The following NID2 variants were observed in gnomAD, a reference collection of about 807,000 sequenced individuals.
NID2 encodes the protein nidogen-2.
In NID2, 83 loss-of-function variants were observed where a neutral mutation model predicts 145.4. The observed-to-expected ratio is 0.57, with a 90% CI of 0.48 to 0.69. The LOEUF (loss-of-function observed/expected upper bound fraction) is 0.69, where lower values mean the gene tolerates loss of function less well. NID2 is among the 30% of genes least tolerant of loss of function. NID2 has a pLI of 0.00. For missense variants in NID2, 1,807 were observed against 1,765.7 expected, an observed-to-expected ratio of 1.02 and a Z score of -0.42; for synonymous variants, 739 against 701.3, an observed-to-expected ratio of 1.05 and a Z score of -0.85.
At chr14:52,006,115 T>C (rs938146907) in intron 20 of NID2, 3 of 468,774 alleles carry the variant, frequency 6.4e-6, no homozygotes, top group Admixed American at 6.6e-5. Context: ...TGTTCCACAG[T>C]TCCTCATTTG....
chr14:52,060,338 C>A lies in NID2; in HGVS notation c.553G>T (p.Val185Phe). The A allele has an allele frequency of 3.9e-6, 6 of 1,520,904 alleles. No homozygotes were observed. Among genetic ancestry groups the A allele is most frequent in the South Asian group, 1.3e-5 (1 of 78,168 alleles). The allele number at this position is 1,520,904 out of a possible 1,614,324, so 94.2% of individuals were successfully genotyped here. A position where few individuals can be genotyped will look rare whatever the true frequency, so the allele number is the denominator to read the frequency against. ...PSGELNTFQA[V>F]LASDGSDSYA... ...CTATCAGACCCATCAGATGCCAAAA[C>A]TGCCTGGAAAGTGTTCAGCTGTGAG... The change falls in exon 3 of 22, where the codon GTT (valine) becomes TTT (phenylalanine). Residue 185 changes from valine (V) to phenylalanine (F), a missense_variant. Val to Phe is a conservative substitution (Grantham distance 50). Coordinates refer to ENST00000216286, the MANE Select transcript of NID2 (RefSeq NM_007361.4).
intron 3 of NID2, among the ~76,000 whole-genome samples, chr14:52,057,610 G>A (rs1293417965): frequency 2.0e-5 from 3 of 149,386 alleles, no homozygotes; most frequent in Admixed American, 1.4e-4. Flanking sequence ...GCTGAGGCAG[G>A]AGAATTGCTT....
chr14:52,030,562 A>AAAG lies in NID2; in HGVS notation c.2258-873_2258-872insCTT, dbSNP rs1424277907. ...AAAGAAAGAAAGAAAGAAAGAAAGAAAGAAAGGAAGGAAGGGAAAGAAAGA... is the reference window on the plus strand; with the variant it reads ...AAAGAAAGAAAGAAAGAAAGAAAGAAAAGAGAAAGGAAGGAAGGGAAAGAAAGA... On this transcript the variant is annotated intron_variant, in intron 9 of 21. Transcript: ENST00000216286. Among the ~76,000 whole-genome samples, 205 of 65,066 alleles carry AAAG rather than the reference A, an allele frequency of 3.2e-3. 5 individuals carry two copies. The highest frequency in any genetic ancestry group is 9.2e-3 in the African/African-American group (187 of 20,332). 42.7% of individuals were successfully genotyped at this position (65,066 alleles called of 152,430 possible). A position where few individuals can be genotyped will look rare whatever the true frequency, so the allele number is the denominator to read the frequency against.
At chr14:52,057,789 A>T (rs1200822290) in intron 3 of NID2, among the ~76,000 whole-genome samples, 1 of 152,034 alleles carries the variant, frequency 6.6e-6, no homozygotes, top group Admixed American at 6.6e-5. Context: ...CAATGTATAA[A>T]TCTAGGTGAT....
At chr14:52,068,713 A>G in intron 1 of NID2, 54 bp downstream of exon 1, 1 of 1,495,480 alleles carries the variant, frequency 6.7e-7, no homozygotes, top group Admixed American at 1.7e-5. Flanking sequence ...TTTCCGTGAG[A>G]CCGACCCCAG....
chr14:52,008,038 C>G, intron 18 of NID2, 71 bp from the exon 19 acceptor site: 3 of 1,214,784 alleles, frequency 2.5e-6, no homozygotes. Context: ...TAAGCAGCCC[C>G]CAGTGATCTC....
chr14:52,037,345 C>A (rs995340197), intron 9 of NID2, among the ~76,000 whole-genome samples: 5 of 151,794 alleles, frequency 3.3e-5, no homozygotes, highest in African/African-American at 1.2e-4. Context: ...TTACAACGTG[C>A]AGGTTTGTTA....
intron 18 of NID2, chr14:52,010,627 C>T (rs1890976959): frequency 5.2e-6 from 2 of 383,822 alleles, no homozygotes; most frequent in South Asian, 4.8e-5. Context: ...CTACATATCA[C>T]ATCACAGACT....
intron 3 of NID2, among the ~76,000 whole-genome samples, chr14:52,059,449 AC>A (rs1277346950): frequency 1.3e-5 from 2 of 151,966 alleles, no homozygotes; most frequent in African/African-American, 2.4e-5. Context: ...CCCCTCACAC[AC>A]CCCCCAAAAA....
chr14:52,059,738 T>G (rs1022081286), intron 3 of NID2, among the ~76,000 whole-genome samples: 1 of 152,244 alleles, frequency 6.6e-6, no homozygotes, highest in Non-Finnish European at 1.5e-5. Context: ...TTTAACAGTA[T>G]CTGTCCAAAA....
intron 12 of NID2, 100 bp downstream of exon 12, chr14:52,027,101 C>G (rs1891612779): frequency 2.4e-6 from 3 of 1,249,708 alleles, no homozygotes; most frequent in South Asian, 4.3e-5. Flanking sequence ...CTGTTAGAGT[C>G]AAAGGAAGTC....
Position 52,007,951 on chromosome 14 carries a change from CTGTCCAGTACAAG to C in NID2, c.3726_3738del (p.Asn1242LysfsTer15). On this transcript the variant is annotated frameshift_variant, in exon 19 of 22. Coordinates refer to ENST00000216286, the MANE Select transcript of NID2 (RefSeq NM_007361.4). LOFTEE classifies it high-confidence loss of function. ...ATTTTAGGAGCTTCTCTATTCCAGT[CTGTCCAGTACAAG>C]TTGCTGTAAGTTAAAAATCAAGATT... The C allele has an allele frequency of 6.2e-7, 1 of 1,604,128 alleles. No individual in the cohort carries two copies. The highest frequency in any genetic ancestry group is 8.5e-7 in the Non-Finnish European group (1 of 1,177,010).
At chr14:52,030,537 AAAGAAAG>A (rs1464527651) in intron 9 of NID2, among the ~76,000 whole-genome samples, 2 of 55,866 alleles carry the variant, frequency 3.6e-5, no homozygotes, top group African/African-American at 1.2e-4. Context: ...AGAAAGAAAG[AAAGAAAG>A]AAAGAAAGAA....
At chr14:52,005,984 A>C in intron 20 of NID2, 135 bp from the exon 21 acceptor site, 1 of 654,620 alleles carries the variant, frequency 1.5e-6, no homozygotes, top group Non-Finnish European at 2.8e-6. Context: ...TGCTAAAGCC[A>C]TACTGAAGTT....
rs758339983 is a variant in NID2, at chr14:52,038,866, G to A, written c.2138C>T (p.Pro713Leu). The A allele has an allele frequency of 1.9e-6, 3 of 1,614,148 alleles. No homozygotes were observed. The highest frequency in any genetic ancestry group is 2.5e-6 in the Non-Finnish European group (3 of 1,180,016). ...GGTGGTGGGGAAGGACGGGTGTCTG[G>A]GGGCGTGCCTGCACACCTGGTAAGT... ...NITYQVCRHA[P>L]RHPSFPTTQQ... Residue 713 changes from proline to leucine, a missense_variant, in exon 9 of 22, where the codon CCC becomes CTC. Coordinates refer to ENST00000216286, the MANE Select transcript of NID2 (RefSeq NM_007361.4).
intron 11 of NID2, 109 bp from the exon 12 acceptor site, chr14:52,027,453 G>T: frequency 1.0e-6 from 1 of 952,428 alleles, no homozygotes; most frequent in Non-Finnish European, 1.5e-6. Flanking sequence ...GGGAATGCAG[G>T]TTCTCAGACC....
At chr14:52,024,578 G>A (rs543508453) in intron 12 of NID2, among the ~76,000 whole-genome samples, 2 of 152,084 alleles carry the variant, frequency 1.3e-5, no homozygotes, top group Non-Finnish European at 2.9e-5. Flanking sequence ...CCATTCCCAG[G>A]TCCCTGGACC....
intron 12 of NID2, among the ~76,000 whole-genome samples, chr14:52,026,929 G>T (rs113703347): frequency 6.6e-6 from 1 of 152,204 alleles, no homozygotes; most frequent in Non-Finnish European, 1.5e-5. Flanking sequence ...TCCAGCCTGC[G>T]CTGGCTCCAA....
intron 20 of NID2, chr14:52,006,099 C>A: frequency 4.1e-6 from 2 of 490,588 alleles, no homozygotes; most frequent in Non-Finnish European, 3.7e-6. Flanking sequence ...AGGGCTTAGA[C>A]TTTAATGTTC....
Sources: allele counts gnomAD v4.1 joint callset (sites outside exome capture counted in the v4.1 genomes callset), GRCh38; gene constraint gnomAD v4.1.1; transcripts MANE v1.5; gene names NCBI Gene and HGNC (gene_info 2026-07-23, HGNC 2026-07-21).